The following CNTN4 variants were observed in gnomAD, a reference collection of about 807,000 sequenced individuals.
CNTN4 encodes the protein contactin-4.
CNTN4 carries 77 observed loss-of-function variants against 122.5 expected under a neutral mutation model. That is an observed-to-expected ratio of 0.63 (90% CI 0.52 to 0.76). The LOEUF is 0.76. Among genes scored for constraint, CNTN4 ranks in the 30% least tolerant of loss-of-function variants. CNTN4 has a pLI of 0.00. For missense variants in CNTN4, 1,256 were observed against 1,259.1 expected, an observed-to-expected ratio of 1.00 and a Z score of 0.04; for synonymous variants, 512 against 447.0, an observed-to-expected ratio of 1.15 and a Z score of -1.83.
At chr3:2,455,076 G>A (rs1043901673) in intron 3 of CNTN4, among the ~76,000 whole-genome samples, 3 of 152,136 alleles carry the variant, frequency 2.0e-5, no homozygotes, top group Admixed American at 2.0e-4. Context: ...TGGTGTGGAA[G>A]CAACTAATCA....
intron 2 of CNTN4, among the ~76,000 whole-genome samples, chr3:2,294,141 C>T (rs1331641078): frequency 6.6e-6 from 1 of 152,152 alleles, no homozygotes; most frequent in East Asian, 1.9e-4. Flanking sequence ...CTCTGGAGGC[C>T]CAGCCTTAGC....
intron 3 of CNTN4, among the ~76,000 whole-genome samples, chr3:2,354,240 T>G (rs1238040188): frequency 6.6e-6 from 1 of 152,160 alleles, no homozygotes; most frequent in Non-Finnish European, 1.5e-5. Flanking sequence ...GAATAAGAAC[T>G]GTATTTTGGG....
At chr3:2,681,142 C>A (rs1175503505) in intron 4 of CNTN4, among the ~76,000 whole-genome samples, 1 of 152,126 alleles carries the variant, frequency 6.6e-6, no homozygotes, top group Non-Finnish European at 1.5e-5. Flanking sequence ...TACGGCCCGC[C>A]ACCCAAGGAT....
At chr3:2,649,783 G>A (rs1435027686) in intron 4 of CNTN4, among the ~76,000 whole-genome samples, 7 of 151,768 alleles carry the variant, frequency 4.6e-5, no homozygotes, top group African/African-American at 1.7e-4. Flanking sequence ...ATGGATCTCG[G>A]CAAAGTAAAT....
At chr3:2,179,953 G>A (rs2036938204) in intron 2 of CNTN4, among the ~76,000 whole-genome samples, 1 of 151,748 alleles carries the variant, frequency 6.6e-6, no homozygotes, top group African/African-American at 2.4e-5. Context: ...TACATTTTTT[G>A]TACTAAGCCT....
chr3:2,167,511 A>G (rs868670819), intron 2 of CNTN4, among the ~76,000 whole-genome samples: 3 of 152,210 alleles, frequency 2.0e-5, no homozygotes, highest in Non-Finnish European at 1.5e-5. Context: ...TTGGAAACAT[A>G]AACATTCAAG....
chr3:2,933,091 G>T (rs2094538610), intron 13 of CNTN4, among the ~76,000 whole-genome samples: 1 of 152,074 alleles, frequency 6.6e-6, no homozygotes, highest in Admixed American at 6.6e-5. Context: ...CAAAGTGCTG[G>T]GATTACAGGT....
chr3:2,202,211 A>G (rs967460387), intron 2 of CNTN4, among the ~76,000 whole-genome samples: 18 of 152,266 alleles, frequency 1.2e-4, no homozygotes, highest in African/African-American at 4.3e-4. Context: ...ATACATATAG[A>G]TCCAGAAACA....
chr3:2,772,051 G>T (rs190626942), intron 6 of CNTN4, among the ~76,000 whole-genome samples: 2 of 151,878 alleles, frequency 1.3e-5, no homozygotes, highest in Non-Finnish European at 2.9e-5. Context: ...GCTACAAGGG[G>T]AGAGAGAGAG....
At chr3:2,905,518 C>A (rs1293024946) in intron 12 of CNTN4, among the ~76,000 whole-genome samples, 2 of 152,308 alleles carry the variant, frequency 1.3e-5, no homozygotes, top group East Asian at 3.9e-4. Flanking sequence ...GGCTTCACCT[C>A]ATAGGGGCTT....
chr3:2,837,512 A>G (rs765263440), intron 7 of CNTN4, among the ~76,000 whole-genome samples: 12 of 152,158 alleles, frequency 7.9e-5, no homozygotes, highest in Non-Finnish European at 1.6e-4. Flanking sequence ...CGTGCATTTC[A>G]TCTGCACACA....
intron 3 of CNTN4, among the ~76,000 whole-genome samples, chr3:2,505,453 A>C (rs2076708342): frequency 6.6e-6 from 1 of 152,222 alleles, no homozygotes. Context: ...AGTCCTATCC[A>C]AACTTAATTA....
At chr3:2,747,408 A>T (rs1226408158) in intron 6 of CNTN4, among the ~76,000 whole-genome samples, 2 of 28,380 alleles carry the variant, frequency 7.0e-5, no homozygotes, top group Admixed American at 1.1e-3. Context: ...GACTCCGTCT[A>T]AAAAAAAAAA....
intron 2 of CNTN4, among the ~76,000 whole-genome samples, chr3:2,122,162 A>C (rs1365203323): frequency 6.6e-6 from 1 of 151,994 alleles, no homozygotes; most frequent in Non-Finnish European, 1.5e-5. Context: ...CTCAAAAAAA[A>C]AAAAAAATTA....
At chr3:2,355,455 G>A (rs931564213) in intron 3 of CNTN4, among the ~76,000 whole-genome samples, 1 of 152,140 alleles carries the variant, frequency 6.6e-6, no homozygotes, top group African/African-American at 2.4e-5. Context: ...TTTACCTGAA[G>A]GATACAGGGA....
chr3:3,028,403 C>G (rs6779121), intron 15 of CNTN4, among the ~76,000 whole-genome samples: 96,633 of 152,016 alleles, frequency 0.64, 31,213 homozygotes, highest in Middle Eastern at 0.71. Context: ...CCTCACTCCT[C>G]ACTCTATTTT....
At chr3:2,932,194 G>A (rs759692588) in intron 13 of CNTN4, among the ~76,000 whole-genome samples, 24 of 151,966 alleles carry the variant, frequency 1.6e-4, no homozygotes, top group Non-Finnish European at 2.4e-4. Flanking sequence ...TGGCTAACAC[G>A]GTGAAACCCT....
intron 2 of CNTN4, among the ~76,000 whole-genome samples, chr3:2,144,867 T>C (rs4685485): frequency 0.71 from 108,245 of 152,136 alleles, 39,220 homozygotes; most frequent in Non-Finnish European, 0.78. Context: ...ACATCGAAGC[T>C]GTCCTGTTCA....
intron 3 of CNTN4, among the ~76,000 whole-genome samples, chr3:2,465,060 A>T (rs953376730): frequency 7.2e-5 from 11 of 152,254 alleles, no homozygotes; most frequent in Non-Finnish European, 1.5e-4. Flanking sequence ...ATGGTTGCAC[A>T]GCAGTGTGAA....
Sources: gnomAD v4.1 joint callset for allele counts (sites outside exome capture counted in the v4.1 genomes callset) on GRCh38, gnomAD v4.1.1 for gene constraint, MANE v1.5 for transcripts, NCBI Gene and HGNC (gene_info 2026-07-23, HGNC 2026-07-21) for gene names.